The following INPP5F variants were observed in gnomAD, a reference collection of about 807,000 sequenced individuals.
INPP5F encodes inositol polyphosphate-5-phosphatase F, also known as phosphatidylinositide 4-phosphatase SAC2.
INPP5F carries 97 observed loss-of-function variants against 137.2 expected under a neutral mutation model. The ratio of observed to expected loss-of-function variants is 0.71; its 90% CI spans 0.60 to 0.84. The LOEUF (loss-of-function observed/expected upper bound fraction) is 0.84. Ranked by LOEUF, INPP5F falls within the 40% of genes least tolerant of loss-of-function variation. The probability of loss-of-function intolerance (pLI) is 0.00; values close to 1 mark genes in which losing one functional copy is unlikely to be tolerated. For missense variants in INPP5F, 1,271 were observed against 1,371.9 expected (o/e 0.93, Z 1.16); for synonymous variants, 504 against 476.9 (o/e 1.06, Z -0.74).
At chr10:119,814,611 A>C (rs1277360027) in intron 15 of INPP5F, 2 of 152,342 alleles carry the variant, frequency 1.3e-5, no homozygotes, top group South Asian at 2.1e-4. Context: ...CTTCATGACA[A>C]GTGAAGCTGA....
At chr10:119,821,301 G>A (rs1589757174) in intron 16 of INPP5F, among the ~76,000 whole-genome samples, 1 of 151,814 alleles carries the variant, frequency 6.6e-6, no homozygotes, top group South Asian at 2.1e-4. Context: ...ACAATTTTTT[G>A]TTACTACCAA....
chr10:119,828,842 G>A lies in INPP5F; in HGVS notation c.*1062G>A, dbSNP rs1196544184. 1.7e-5 allele frequency: 2 copies of A among 121,006 alleles called. No homozygotes were observed. The highest frequency in any genetic ancestry group is 8.0e-5 in the Admixed American group (1 of 12,500). 7.5% of individuals were successfully genotyped at this position (121,006 alleles called of 1,614,324 possible). On this transcript the variant is annotated 3_prime_UTR_variant, in exon 20 of 20. Coordinates refer to ENST00000650623, the MANE Select transcript of INPP5F (RefSeq NM_014937.4). ...AGCCTGGGGGACAGAGCAAGACCGT[G>A]TCTCAAAAACAATTTAGTCTGAAAC...
intron 1 of INPP5F, among the ~76,000 whole-genome samples, chr10:119,727,609 T>A (rs1847930812): frequency 6.6e-6 from 1 of 152,244 alleles, no homozygotes. Context: ...GGCCTACTAG[T>A]TGCTTTGCCA....
At chr10:119,761,419 C>T (rs1849005404) in intron 2 of INPP5F, among the ~76,000 whole-genome samples, 1 of 152,150 alleles carries the variant, frequency 6.6e-6, no homozygotes, top group South Asian at 2.1e-4. Context: ...ATGTGATGTA[C>T]TTTTAGCTAT....
At chr10:119,764,988 A>C (rs1410482212) in intron 2 of INPP5F, among the ~76,000 whole-genome samples, 1 of 151,992 alleles carries the variant, frequency 6.6e-6, no homozygotes, top group Non-Finnish European at 1.5e-5. Context: ...ACTGGAGTGC[A>C]GTGGCACGAT....
chr10:119,808,209 A>G (rs1850875804), intron 13 of INPP5F, 149 bp downstream of exon 13: 3 of 869,606 alleles, frequency 3.4e-6, no homozygotes, highest in Non-Finnish European at 5.1e-6. Context: ...AGGGCCAGGT[A>G]ATGTGACTCA....
chr10:119,780,906 T>A (rs370333308), intron 2 of INPP5F, among the ~76,000 whole-genome samples: 48 of 152,226 alleles, frequency 3.2e-4, no homozygotes, highest in African/African-American at 1.1e-3. Flanking sequence ...GACTTGAGCA[T>A]CCGTGGAGTT....
At chr10:119,740,709 A>G (rs948911103) in intron 1 of INPP5F, among the ~76,000 whole-genome samples, 120 of 151,894 alleles carry the variant, frequency 7.9e-4, no homozygotes, top group African/African-American at 2.7e-3. Context: ...CACCCAGCTA[A>G]TTTTTGTGTT....
chr10:119,819,985 G>A (rs914622804), intron 15 of INPP5F, among the ~76,000 whole-genome samples: 7 of 152,060 alleles, frequency 4.6e-5, no homozygotes, highest in Admixed American at 1.3e-4. Flanking sequence ...GAGAAATGTC[G>A]GCTTTCTTAC....
intron 2 of INPP5F, among the ~76,000 whole-genome samples, chr10:119,764,196 C>G (rs1849086317): frequency 6.6e-6 from 1 of 152,184 alleles, no homozygotes; most frequent in African/African-American, 2.4e-5. Flanking sequence ...CTTTCAGCCT[C>G]TACCCATTAC....
chr10:119,822,563 G>T (rs1851609771), intron 17 of INPP5F, 59 bp downstream of exon 17: 2 of 748,422 alleles, frequency 2.7e-6, no homozygotes, highest in Non-Finnish European at 4.4e-6. Context: ...TCCAAGAGGG[G>T]GTCAAATTAT....
At chr10:119,745,298 C>T (rs901918498) in intron 1 of INPP5F, among the ~76,000 whole-genome samples, 5 of 151,978 alleles carry the variant, frequency 3.3e-5, no homozygotes, top group African/African-American at 1.2e-4. Context: ...AGCTCACTCC[C>T]TAAGCTCTTT....
intron 2 of INPP5F, among the ~76,000 whole-genome samples, chr10:119,765,134 A>G (rs141223929): frequency 2.0e-5 from 3 of 150,728 alleles, no homozygotes; most frequent in Non-Finnish European, 3.0e-5. Context: ...GGGTTTCACT[A>G]TGTTGGTCAG....
Position 119,764,343 on chromosome 10 carries a change from GCACA to G in INPP5F, c.178+13202_178+13205del, listed in dbSNP as rs71019713. On this transcript the variant is annotated intron_variant, in intron 2 of 19. Transcript: ENST00000650623. The stretch of plus-strand genomic sequence containing the variant: ...CATGTGCTTGCATACACAGGCGTGT[GCACA>G]CACACACACACACAAACACACACAG... Among the ~76,000 whole-genome samples, 197 of 150,854 alleles carry G rather than the reference GCACA, an allele frequency of 1.3e-3. 2 individuals carry two copies. Among genetic ancestry groups the G allele is most frequent in the African/African-American group, 4.6e-3 (188 of 41,158 alleles).
Position 119,823,898 on chromosome 10 carries a change from G to C in INPP5F, c.2245G>C (p.Glu749Gln). 6.2e-7 allele frequency: 1 copy of C among 1,610,002 alleles called. No homozygotes were observed. The highest frequency in any genetic ancestry group is 1.1e-5 in the South Asian group (1 of 90,940). The stretch of plus-strand genomic sequence containing the variant: ...TTTACCCATAATTGAGAAGAAACTT[G>C]AGAGGTGAGTATACTGCTTCTCTCA... Reference protein sequence around the residue: ...SDLPIIEKKLERKSSKPHEDI... With the variant: ...SDLPIIEKKLQRKSSKPHEDI... Residue 749 changes from glutamate to glutamine, a missense_variant, in exon 19 of 20, where the codon GAG becomes CAG. Coordinates refer to ENST00000650623, the MANE Select transcript of INPP5F (RefSeq NM_014937.4).
At chr10:119,795,190 C>A (rs1304980205) in intron 6 of INPP5F, among the ~76,000 whole-genome samples, 4 of 149,506 alleles carry the variant, frequency 2.7e-5, no homozygotes, top group Non-Finnish European at 6.0e-5. Context: ...TCCTCACTTC[C>A]CAGAAGGGGC....
At chr10:119,754,185 G>T (rs1453299989) in intron 2 of INPP5F, among the ~76,000 whole-genome samples, 1 of 152,212 alleles carries the variant, frequency 6.6e-6, no homozygotes, top group East Asian at 1.9e-4. Flanking sequence ...GGGACTCCTG[G>T]CCAGGGTCAC....
At chr10:119,819,700 T>TATA in intron 15 of INPP5F, 1 of 438,738 alleles carries the variant, frequency 2.3e-6, no homozygotes, top group Non-Finnish European at 4.0e-6. Flanking sequence ...GGCATCTCAT[T>TATA]ATGTCATTTG....
At chr10:119,740,909 C>A (rs1848355433) in intron 1 of INPP5F, among the ~76,000 whole-genome samples, 2 of 152,316 alleles carry the variant, frequency 1.3e-5, no homozygotes, top group South Asian at 2.1e-4. Flanking sequence ...TGGTAGGAGC[C>A]TGGAGTTTTA....
Sources: gnomAD v4.1 joint callset for allele counts (sites outside exome capture counted in the v4.1 genomes callset) on GRCh38, gnomAD v4.1.1 for gene constraint, MANE v1.5 for transcripts, NCBI Gene and HGNC (gene_info 2026-07-23, HGNC 2026-07-21) for gene names.